SVEP1: variants seen among roughly 807,000 people sequenced by gnomAD.
The protein encoded by SVEP1 is sushi, von Willebrand factor type A, EGF and pentraxin domain-containing protein 1.
In SVEP1, 164 loss-of-function variants were observed where a neutral mutation model predicts 367.3. The observed-to-expected ratio is 0.45, with a 90% CI of 0.39 to 0.51. SVEP1 has a LOEUF of 0.51. Among genes scored for constraint, SVEP1 ranks in the 20% least tolerant of loss-of-function variants. SVEP1 has a pLI of 0.00. For synonymous variants in SVEP1, 1,666 were observed against 1,611.6 expected, an observed-to-expected ratio of 1.03 and a Z score of -0.81; for missense variants, 4,117 against 4,425.3, an observed-to-expected ratio of 0.93 and a Z score of 1.98.
chr9:110,483,380 T>C (rs1829226868), intron 10 of SVEP1, among the ~76,000 whole-genome samples: 1 of 152,198 alleles, frequency 6.6e-6, no homozygotes. Flanking sequence ...CATGAAATAC[T>C]GAATTAGGAA....
At chr9:110,489,262 T>A (rs553667219) in intron 9 of SVEP1, among the ~76,000 whole-genome samples, 1 of 152,272 alleles carries the variant, frequency 6.6e-6, no homozygotes, top group Admixed American at 6.5e-5. Flanking sequence ...CCTGCCCAAA[T>A]GATTCAATGA....
At chr9:110,560,153 T>A (rs1337128536) in intron 1 of SVEP1, among the ~76,000 whole-genome samples, 1 of 152,188 alleles carries the variant, frequency 6.6e-6, no homozygotes, top group Non-Finnish European at 1.5e-5. Context: ...TATGTTGAAA[T>A]ACACAAATAT....
At chr9:110,448,204 G>A (rs998730238) in intron 24 of SVEP1, among the ~76,000 whole-genome samples, 1 of 152,086 alleles carries the variant, frequency 6.6e-6, no homozygotes, top group African/African-American at 2.4e-5. Flanking sequence ...TATGTTGGAG[G>A]GAATCCAGCC....
At chr9:110,505,114 A>G (rs192715829) in intron 5 of SVEP1, among the ~76,000 whole-genome samples, 99 of 152,268 alleles carry the variant, frequency 6.5e-4, no homozygotes, top group Non-Finnish European at 1.1e-3. Context: ...AGAAACCTGC[A>G]TTTCCGCGGT....
intron 9 of SVEP1, among the ~76,000 whole-genome samples, chr9:110,487,719 C>A (rs1358621094): frequency 1.3e-5 from 2 of 152,142 alleles, no homozygotes; most frequent in East Asian, 3.8e-4. Context: ...AGCTTTCACA[C>A]AGAGCTTAAA....
At position 110,550,053 on chromosome 9, in the gene SVEP1, T is replaced by C. The variant is rs780633492; in HGVS notation, c.583A>G (p.Thr195Ala). Reference protein sequence around the residue: ...ENSTKVVFLITDGYSNGGDPR... With the variant: ...ENSTKVVFLIADGYSNGGDPR... ...TCTCCCCCATTGGAATATCCATCAG[T>C]GATGAGAAATACAACTTTTGTTGAG... Residue 195 changes from threonine to alanine, a missense_variant, in exon 2 of 48, where the codon ACT becomes GCT. By Grantham distance (58) the Thr-to-Ala change is moderately conservative (BLOSUM62 0). This residue lies in a region of SVEP1 where 2,174 missense variants were observed against 2,494.3 expected (regional missense o/e 0.87). Coordinates refer to ENST00000374469, the MANE Select transcript of SVEP1 (RefSeq NM_153366.4). 2.5e-6 allele frequency: 4 copies of C among 1,613,998 alleles called. No homozygotes were observed. The highest frequency in any genetic ancestry group is 2.2e-5 in the East Asian group (1 of 44,880).
rs760431243 is a variant in SVEP1, at chr9:110,579,412, C to T, written c.132G>A (p.Gly44=). Residue 44 remains glycine (G), a synonymous_variant, in exon 1 of 48, where the codon GGG becomes GGA. Transcript: ENST00000374469. This position sits in a 1 kb window ranked among gnomAD's most constrained non-coding sequence, Gnocchi z 5.3. The part of the protein sequence containing the change: ...LFPETAPGAP[G]SIPAPPAPGD... ...CAGGAGCGGGCGGCGCGGGGATACT[C>T]CCGGGGGCCCCGGGCGCGGTCTCGG... 177 of 1,578,942 alleles carry T rather than the reference C, an allele frequency of 1.1e-4. No individual in the cohort carries two copies. Among genetic ancestry groups the T allele is most frequent in the Middle Eastern group, 1.7e-4 (1 of 6,024 alleles).
At chr9:110,443,348 C>G (rs1344129563) in intron 27 of SVEP1, 197 bp downstream of exon 27, 4 of 453,560 alleles carry the variant, frequency 8.8e-6, no homozygotes, top group East Asian at 3.5e-5. Context: ...ATTTCTCACA[C>G]AGAGAGGCAA....
Position 110,459,144 on chromosome 9 carries a change from T to C in SVEP1, c.3323-31A>G, listed in dbSNP as rs1379481985. Reference sequence around the variant, plus strand: ...GAGGTAAAAACAAATCATATGTGCATATAAAGTAACACACCCTACATTTGA... The same window carrying C: ...GAGGTAAAAACAAATCATATGTGCACATAAAGTAACACACCCTACATTTGA... On this transcript the variant is annotated intron_variant, in intron 18 of 47. Transcript: ENST00000374469. 4 of 1,604,536 alleles carry C rather than the reference T, an allele frequency of 2.5e-6. No homozygotes were observed. The African/African-American group carries it at 4.0e-5, about 16-fold the overall frequency.
chr9:110,403,960 T>G (rs1827912187), intron 39 of SVEP1, among the ~76,000 whole-genome samples: 1 of 151,954 alleles, frequency 6.6e-6, no homozygotes, highest in African/African-American at 2.4e-5. Flanking sequence ...TTGACACCAA[T>G]TATCTGTCTG....
At chr9:110,435,489 G>T in intron 28 of SVEP1, 125 bp from the exon 29 acceptor site, 1 of 1,126,166 alleles carries the variant, frequency 8.9e-7, no homozygotes, top group South Asian at 1.6e-5. Flanking sequence ...AGGGAAGCAG[G>T]TATGATTTCA....
At chr9:110,400,776 A>T in intron 40 of SVEP1, 78 bp downstream of exon 40, 1 of 1,438,998 alleles carries the variant, frequency 6.9e-7, no homozygotes. Context: ...AGTAAAACAA[A>T]TTTGTGCTAA....
chr9:110,465,734 T>C, intron 18 of SVEP1, 131 bp downstream of exon 18: 1 of 1,204,102 alleles, frequency 8.3e-7, no homozygotes, highest in Non-Finnish European at 1.1e-6. Context: ...CAAAAAAACC[T>C]CTTTATGAAG....
Position 110,465,967 on chromosome 9 carries a change from G to C in SVEP1, c.3220C>G (p.Leu1074Val), listed in dbSNP as rs1474913034. 1 of 1,613,288 alleles carries C rather than the reference G, an allele frequency of 6.2e-7. No homozygotes were observed. The highest frequency in any genetic ancestry group is 8.5e-7 in the Non-Finnish European group (1 of 1,179,688). Residue 1074 changes from leucine to valine, a missense_variant, in exon 18 of 48, where the codon CTG becomes GTG. Physicochemically the swap from Leu to Val is conservative, Grantham distance 32. Around this residue, in one of 4 missense-constraint regions of SVEP1, gnomAD observed 2,174 missense variants for 2,494.3 expected, o/e 0.87. Coordinates refer to ENST00000374469, the MANE Select transcript of SVEP1 (RefSeq NM_153366.4). ...SGLETCESCP[L>V]GTYQPKFGSR... ...CCAAATTTTGGCTGATAAGTGCCCA[G>C]TGGACACGATTCACAAGTCTCAAGT...
intron 3 of SVEP1, among the ~76,000 whole-genome samples, chr9:110,543,304 C>A (rs912030632): frequency 3.9e-5 from 6 of 152,072 alleles, no homozygotes; most frequent in African/African-American, 1.4e-4. Flanking sequence ...TAATTTAAAT[C>A]TTGTATGTAA....
In SVEP1 at chr9:110,387,686, C is replaced by T. The variant is rs899000888; in HGVS notation, c.9887-228G>A. Among the ~76,000 whole-genome samples the T allele has an allele frequency of 2.6e-5, 4 of 152,090 alleles. No individual in the cohort carries two copies. In the South Asian group the frequency reaches 8.3e-4, roughly 32 times the overall value. On this transcript the variant is annotated intron_variant, in intron 41 of 47. Transcript: ENST00000374469. ...AGTTAGTCTTATTGACTCCAGCTGT[C>T]TTTATGTATTATTAATAATGCTGGG...
At chr9:110,424,306 GA>G (rs1254930713) in intron 36 of SVEP1, among the ~76,000 whole-genome samples, 1 of 151,826 alleles carries the variant, frequency 6.6e-6, no homozygotes, top group East Asian at 1.9e-4. Flanking sequence ...GTCTATCAGT[GA>G]AAATAAATTC....
intron 29 of SVEP1, among the ~76,000 whole-genome samples, 157 bp from the exon 30 acceptor site, chr9:110,434,663 C>T (rs1246968623): frequency 1.4e-4 from 1 of 7,358 alleles, no homozygotes; most frequent in Non-Finnish European, 2.4e-4. Context: ...CAAGCAAAAT[C>T]ACTAAAAAAA....
At chr9:110,397,799 C>T (rs1169915067) in intron 40 of SVEP1, among the ~76,000 whole-genome samples, 2 of 152,130 alleles carry the variant, frequency 1.3e-5, no homozygotes, top group East Asian at 3.9e-4. Context: ...TGTGAAGGGC[C>T]TCTTCAAGGA....
Sources: allele counts gnomAD v4.1 joint callset (sites outside exome capture counted in the v4.1 genomes callset), GRCh38; gene constraint gnomAD v4.1.1; regional missense constraint gnomAD v4.1.1; non-coding constraint Gnocchi (gnomAD v3.1); transcripts MANE v1.5; gene names NCBI Gene and HGNC (gene_info 2026-07-23, HGNC 2026-07-21).